Variants in WDR45 observed in about 807,000 individuals in gnomAD.
WDR45 encodes WD repeat domain phosphoinositide-interacting protein 4.
WDR45 carries 2 observed loss-of-function variants against 27.3 expected under a neutral mutation model. That is an observed-to-expected ratio of 0.07 (90% CI 0.03 to 0.23). WDR45 has a LOEUF of 0.23. Among genes scored for constraint, WDR45 ranks in the 10% least tolerant of loss-of-function variants. The probability of loss-of-function intolerance (pLI) is 1.00; values close to 1 mark genes in which losing one functional copy is unlikely to be tolerated. For missense variants in WDR45, 175 were observed against 311.9 expected (o/e 0.56, Z 3.31); for synonymous variants, 99 against 119.2 (o/e 0.83, Z 1.11).
intron 1 of WDR45, 111 bp downstream of exon 1, chrX:49,079,640 G>A (rs1474017753): frequency 2.7e-5 from 3 of 111,734 alleles, no homozygotes; most frequent in African/African-American, 6.5e-5. Context: ...GGGATGCCTC[G>A]CCCCTCTCCC....
At chrX:49,086,616 C>T (rs1426176391) in intron 2 of WDR45, among the ~76,000 whole-genome samples, 5 of 110,309 alleles carry the variant, frequency 4.5e-5, no homozygotes, top group African/African-American at 1.3e-4. Context: ...TTCCCCGAGG[C>T]GGAGTCTTGC....
intron 2 of WDR45, among the ~76,000 whole-genome samples, chrX:49,088,683 C>T (rs1557086256): frequency 8.9e-6 from 1 of 112,006 alleles, no homozygotes; most frequent in Non-Finnish European, 1.9e-5. Flanking sequence ...AAAGAATACA[C>T]ACTTTATAGA....
In WDR45 at chrX:49,099,637, C is replaced by T. The variant is rs192705390; in HGVS notation, c.-18+568G>A. 1.0e-3 allele frequency among the ~76,000 whole-genome samples: 110 copies of T among 108,414 alleles called. 1 individual carries two copies. The highest frequency in any genetic ancestry group is 1.8e-3 in the East Asian group (6 of 3,388). 94.1% of individuals were successfully genotyped at this position (108,414 alleles called of 115,157 possible). A position where few individuals can be genotyped will look rare whatever the true frequency, so the allele number is the denominator to read the frequency against. On this transcript the variant is annotated intron_variant, in intron 2 of 11. Coordinates refer to the WDR45 transcript ENST00000356463. ...TCTACTAAAAATACAAAAAATTAACCGGGCGTGGTGGCGGGCGCCTGTAGT... is the reference window on the plus strand; with the variant it reads ...TCTACTAAAAATACAAAAAATTAACTGGGCGTGGTGGCGGGCGCCTGTAGT...
At chrX:49,080,384 T>G (rs1262816467), upstream of WDR45, 2 of 111,831 alleles carry the variant, frequency 1.8e-5, no homozygotes, top group African/African-American at 6.5e-5. Flanking sequence ...GATTTCGCTT[T>G]CTTTCTCCCC....
At chrX:49,100,931 G>C (rs2065143628) in intron 1 of WDR45, 1 of 112,897 alleles carries the variant, frequency 8.9e-6, no homozygotes, top group Non-Finnish European at 1.9e-5. Context: ...AAACGGGACA[G>C]TAAATGAACG....
intron 2 of WDR45, among the ~76,000 whole-genome samples, chrX:49,096,562 A>G (rs1184514908): frequency 4.5e-5 from 5 of 112,084 alleles, no homozygotes; most frequent in Non-Finnish European, 9.4e-5. Context: ...AATGGTAGGC[A>G]TTTCCCATCA....
intron 2 of WDR45, among the ~76,000 whole-genome samples, chrX:49,099,523 T>C (rs2065137547): frequency 9.0e-6 from 1 of 111,114 alleles, no homozygotes; most frequent in South Asian, 3.7e-4. Flanking sequence ...GGCTTATGCC[T>C]GTAATCCCAG....
At chrX:49,078,991 C>T (rs1221850845) in intron 1 of WDR45, 2 of 111,702 alleles carry the variant, frequency 1.8e-5, no homozygotes, top group Non-Finnish European at 3.8e-5. Flanking sequence ...CCTCTCACAC[C>T]TTTCCCCCTC....
intron 2 of WDR45, among the ~76,000 whole-genome samples, chrX:49,096,291 C>T (rs782210709): frequency 2.7e-5 from 3 of 110,917 alleles, no homozygotes; most frequent in African/African-American, 6.5e-5. Context: ...AGTGCAGTGG[C>T]GTAATCATGG....
intron 2 of WDR45, among the ~76,000 whole-genome samples, chrX:49,095,368 C>A (rs982561878): frequency 9.3e-6 from 1 of 107,961 alleles, no homozygotes; most frequent in African/African-American, 3.4e-5. Context: ...AGGCTGGGCA[C>A]GGTGGCTCAC....
chrX:49,076,216 T>A (rs1408255237), intron 6 of WDR45: 2 of 482,063 alleles, frequency 4.1e-6, no homozygotes, highest in East Asian at 7.3e-5. Flanking sequence ...GTGTTTTTGC[T>A]CTGCCACTGG....
intron 2 of WDR45, among the ~76,000 whole-genome samples, chrX:49,096,123 T>A: frequency 9.0e-6 from 1 of 110,504 alleles, no homozygotes; most frequent in Non-Finnish European, 1.9e-5. Context: ...CTTTTTTTCC[T>A]CTTGATGCTC....
intron 5 of WDR45, 49 bp downstream of exon 5, chrX:49,076,596 C>T (rs782485581): frequency 5.3e-5 from 64 of 1,201,661 alleles, no homozygotes; most frequent in Non-Finnish European, 6.6e-5. Flanking sequence ...ATCCCTCTCA[C>T]TTACTGTGGG....
At chrX:49,100,683 G>A (rs2065142740) in intron 1 of WDR45, 1 of 114,474 alleles carries the variant, frequency 8.7e-6, no homozygotes, top group South Asian at 3.5e-4. Flanking sequence ...GAAAACTGGG[G>A]AAAGTGTTTA....
At chrX:49,098,717 G>A (rs1298666487) in intron 2 of WDR45, among the ~76,000 whole-genome samples, 1 of 110,370 alleles carries the variant, frequency 9.1e-6, no homozygotes, top group Non-Finnish European at 1.9e-5. Flanking sequence ...TGAGGTGGGA[G>A]GATGGCTTGA....
chrX:49,082,806 TGG>T (rs2065072447), upstream of WDR45, among the ~76,000 whole-genome samples: 1 of 110,784 alleles, frequency 9.0e-6, no homozygotes. Flanking sequence ...CTCTGCTTCC[TGG>T]GTTCAAGTGA....
At chrX:49,084,134 C>T (rs1335333888), upstream of WDR45, among the ~76,000 whole-genome samples, 9 of 98,012 alleles carry the variant, frequency 9.2e-5, no homozygotes, top group Non-Finnish European at 1.4e-4. Flanking sequence ...ATTGCAACCT[C>T]CGCCTTCTGG....
At chrX:49,079,322 A>G (rs1335083056) in intron 1 of WDR45, among the ~76,000 whole-genome samples, 1 of 87,189 alleles carries the variant, frequency 1.1e-5, no homozygotes, top group African/African-American at 4.6e-5. Flanking sequence ...ACCCTTGCCC[A>G]AAACAAACCA....
intron 4 of WDR45, 21 bp downstream of exon 4, chrX:49,077,622 G>A (rs782361591): frequency 1.3e-4 from 157 of 1,171,738 alleles, no homozygotes; most frequent in Non-Finnish European, 1.7e-4. Context: ...CTGGGCCAAA[G>A]GGCAGGATGA....
Sources: gnomAD v4.1 joint callset for allele counts (sites outside exome capture counted in the v4.1 genomes callset) on GRCh38, gnomAD v4.1.1 for gene constraint, MANE v1.5 for transcripts, NCBI Gene and HGNC (gene_info 2026-07-23, HGNC 2026-07-21) for gene names.